The following ARHGAP22 variants were observed in gnomAD, a reference collection of about 807,000 sequenced individuals.
ARHGAP22 encodes rho GTPase-activating protein 22.
In ARHGAP22, 48 loss-of-function variants were observed where a neutral mutation model predicts 59.1. The ratio of observed to expected loss-of-function variants is 0.81; its 90% CI spans 0.64 to 1.03. ARHGAP22 has a LOEUF of 1.03. Among genes scored for constraint, ARHGAP22 ranks in the 50% least tolerant of loss-of-function variants. ARHGAP22 has a pLI of 0.00. For synonymous variants in ARHGAP22, 445 were observed against 416.4 expected (o/e 1.07, Z -0.84); for missense variants, 1,015 against 958.7 (o/e 1.06, Z -0.78).
chr10:48,647,229 A>G (rs754602317), intron 1 of ARHGAP22, among the ~76,000 whole-genome samples: 62 of 152,150 alleles, frequency 4.1e-4, no homozygotes, highest in Admixed American at 2.6e-3. Context: ...CCCTGTCTCT[A>G]CTAAAAAGAC....
upstream of ARHGAP22, among the ~76,000 whole-genome samples, chr10:48,652,815 TAGTG>T (rs891879319): frequency 6.6e-6 from 1 of 152,138 alleles, no homozygotes; most frequent in African/African-American, 2.4e-5. Context: ...GCAGTCCTGT[TAGTG>T]GGGAGAGCAA....
chr10:48,437,774 A>G, the ARHGAP22 span: 82 of 152,348 alleles, frequency 5.4e-4, no homozygotes, highest in African/African-American at 1.9e-3. Context: ...CCAGACTTCT[A>G]AGAGAAACAC....
At chr10:48,493,720 A>G in intron 3 of ARHGAP22, 3 of 1,261,250 alleles carry the variant, frequency 2.4e-6, no homozygotes, top group Non-Finnish European at 3.1e-6. Context: ...GGCAAGAAGG[A>G]CTTGCTGGGA....
chr10:48,462,661 CA>C (rs2047259510), intron 4 of ARHGAP22, among the ~76,000 whole-genome samples: 1 of 152,338 alleles, frequency 6.6e-6, no homozygotes, highest in South Asian at 2.1e-4. Context: ...GAACAGACAA[CA>C]GGCAGAGGTT....
chr10:48,600,673 A>G (rs536902530), intron 1 of ARHGAP22, among the ~76,000 whole-genome samples: 6 of 152,194 alleles, frequency 3.9e-5, no homozygotes, highest in Admixed American at 3.9e-4. Context: ...CCCTTTGCTG[A>G]TCTGAGGGCC....
intron 4 of ARHGAP22, among the ~76,000 whole-genome samples, chr10:48,478,403 T>C (rs1171545768): frequency 6.6e-6 from 1 of 152,192 alleles, no homozygotes; most frequent in Non-Finnish European, 1.5e-5. Flanking sequence ...AGGTAGACCA[T>C]AGCCAGGGGT....
intron 1 of ARHGAP22, among the ~76,000 whole-genome samples, chr10:48,597,711 G>A (rs867406561): frequency 3.9e-5 from 6 of 152,320 alleles, no homozygotes; most frequent in Middle Eastern, 3.4e-3. Flanking sequence ...AGGACCCCAG[G>A]TGCTTGCTGT....
intron 3 of ARHGAP22, among the ~76,000 whole-genome samples, chr10:48,490,465 C>T (rs2134210347): frequency 6.6e-6 from 1 of 152,258 alleles, no homozygotes; most frequent in Non-Finnish European, 1.5e-5. Context: ...AGCCCAAATG[C>T]CCCAGTTAAG....
At chr10:48,493,423 C>T (rs1318529259) in intron 3 of ARHGAP22, 1 of 1,534,052 alleles carries the variant, frequency 6.5e-7, no homozygotes, top group Non-Finnish European at 8.7e-7. Context: ...GCCAGTGACT[C>T]CAGCTATCCA....
At chr10:48,567,764 C>T (rs2058141374) in intron 2 of ARHGAP22, among the ~76,000 whole-genome samples, 1 of 152,134 alleles carries the variant, frequency 6.6e-6, no homozygotes, top group Admixed American at 6.5e-5. Context: ...CCTGAGTCAA[C>T]CTTGGTGACC....
intron 2 of ARHGAP22, among the ~76,000 whole-genome samples, chr10:48,580,549 G>A (rs1396552183): frequency 6.6e-6 from 1 of 152,202 alleles, no homozygotes; most frequent in African/African-American, 2.4e-5. Context: ...GGAGGAGGGT[G>A]ACAGTAAGGG....
intron 1 of ARHGAP22, among the ~76,000 whole-genome samples, chr10:48,614,413 T>A (rs185267576): frequency 1.7e-3 from 252 of 152,298 alleles, no homozygotes; most frequent in Non-Finnish European, 3.0e-3. Flanking sequence ...TGAATTCCAG[T>A]TCCAGGAACA....
intron 1 of ARHGAP22, among the ~76,000 whole-genome samples, chr10:48,616,785 T>C (rs2061097487): frequency 6.6e-6 from 1 of 152,006 alleles, no homozygotes; most frequent in Non-Finnish European, 1.5e-5. Context: ...TAAACAAAAA[T>C]TGAGACAGTT....
rs1270883250 is a variant in ARHGAP22, at chr10:48,624,005, T to C, written c.52+28229A>G. 8.5e-5 allele frequency: 13 copies of C among 152,392 alleles called. No homozygotes were observed. The East Asian group carries it at 2.3e-3, about 27-fold the overall frequency. 9.4% of individuals were successfully genotyped at this position (152,392 alleles called of 1,614,324 possible). A position where few individuals can be genotyped will look rare whatever the true frequency, so the allele number is the denominator to read the frequency against. On this transcript the variant is annotated intron_variant, in intron 1 of 9. Coordinates refer to the ARHGAP22 transcript ENST00000435790. ...TTGAATCAGCCTCTGCAGTCACACT[T>C]GGCTTCCCATGCCTGCTTGGCCACT...
At chr10:48,558,733 A>G (rs1172798560) in intron 2 of ARHGAP22, among the ~76,000 whole-genome samples, 1 of 152,026 alleles carries the variant, frequency 6.6e-6, no homozygotes, top group Non-Finnish European at 1.5e-5. Context: ...TGAGTTTCTA[A>G]CCCTATAGGT....
chr10:48,592,290 G>A (rs1412113062), intron 1 of ARHGAP22, among the ~76,000 whole-genome samples: 3 of 152,192 alleles, frequency 2.0e-5, no homozygotes, highest in East Asian at 1.9e-4. Flanking sequence ...TGGGGCTACG[G>A]GTATCTGTCA....
At chr10:48,525,676 G>A (rs58480554) in intron 3 of ARHGAP22, among the ~76,000 whole-genome samples, 1,648 of 152,234 alleles carry the variant, frequency 0.011, 35 homozygotes, top group African/African-American at 0.038. Flanking sequence ...TGAGATTTAC[G>A]GATTCATGGC....
At chr10:48,555,984 G>C (rs7085183) in intron 2 of ARHGAP22, among the ~76,000 whole-genome samples, 23,254 of 152,158 alleles carry the variant, frequency 0.15, 1,883 homozygotes, top group Admixed American at 0.23. Flanking sequence ...GTCCTGCCAC[G>C]TCTTGGCTGG....
At chr10:48,538,442 G>A (rs564848941) in intron 3 of ARHGAP22, among the ~76,000 whole-genome samples, 1 of 152,206 alleles carries the variant, frequency 6.6e-6, no homozygotes, top group African/African-American at 2.4e-5. Context: ...CCCAAACTCT[G>A]TCCCCTCAAT....
Sources: allele counts gnomAD v4.1 joint callset (sites outside exome capture counted in the v4.1 genomes callset), GRCh38; gene constraint gnomAD v4.1.1; transcripts MANE v1.5; gene names NCBI Gene and HGNC (gene_info 2026-07-23, HGNC 2026-07-21).